The following SEC23A variants were observed in gnomAD, a reference collection of about 807,000 sequenced individuals.
The protein encoded by SEC23A is protein transport protein Sec23A.
In SEC23A, 56 loss-of-function variants were observed where a neutral mutation model predicts 103.7. That is an observed-to-expected ratio of 0.54 (90% CI 0.44 to 0.67). The LOEUF (loss-of-function observed/expected upper bound fraction) is 0.67. SEC23A is among the 30% of genes least tolerant of loss of function. SEC23A has a pLI of 0.00. For missense variants in SEC23A, 784 were observed against 936.4 expected, an observed-to-expected ratio of 0.84 and a Z score of 2.12; for synonymous variants, 281 against 293.0, an observed-to-expected ratio of 0.96 and a Z score of 0.42.
chr14:39,101,649 T>C (rs1226754283), intron 1 of SEC23A, among the ~76,000 whole-genome samples: 1 of 151,962 alleles, frequency 6.6e-6, no homozygotes, highest in Non-Finnish European at 1.5e-5. Context: ...AAAAAGACTT[T>C]CCCTATGATA....
chr14:39,066,193 T>C (rs1222401790), intron 10 of SEC23A, among the ~76,000 whole-genome samples: 2 of 152,054 alleles, frequency 1.3e-5, no homozygotes, highest in East Asian at 3.9e-4. Flanking sequence ...GAATGCTAAG[T>C]TTCTCTATAG....
intron 17 of SEC23A, 107 bp downstream of exon 17, chr14:39,042,678 AT>A (rs1885686489): frequency 1.4e-6 from 1 of 728,516 alleles, no homozygotes; most frequent in African/African-American, 1.8e-5. Context: ...AAAAATGGAA[AT>A]CAAAGTTTAT....
chr14:39,072,183 G>T (rs1381589715), intron 9 of SEC23A, among the ~76,000 whole-genome samples: 1 of 151,392 alleles, frequency 6.6e-6, no homozygotes, highest in Non-Finnish European at 1.5e-5. Flanking sequence ...AGTGAGCCTA[G>T]ATCGCACCAC....
At chr14:39,087,225 T>C (rs933668943) in intron 5 of SEC23A, among the ~76,000 whole-genome samples, 2 of 152,208 alleles carry the variant, frequency 1.3e-5, no homozygotes, top group African/African-American at 2.4e-5. Context: ...CAAGGTGTTA[T>C]ATAACCAAAG....
intron 17 of SEC23A, 89 bp from the exon 18 acceptor site, chr14:39,040,976 A>G (rs1439600936): frequency 6.8e-7 from 1 of 1,461,296 alleles, no homozygotes; most frequent in Non-Finnish European, 9.1e-7. Context: ...ATCTTTAGAA[A>G]CTAAAAAAAT....
chr14:39,039,032 T>C lies in SEC23A; in HGVS notation c.2207A>G (p.Gln736Arg). The change falls in exon 19 of 20, where the codon CAG (glutamine) becomes CGG (arginine). Residue 736 changes from glutamine (Q) to arginine (R), a missense_variant and splice_region_variant. Physicochemically the swap from Gln to Arg is conservative, Grantham distance 43 (BLOSUM62 1). Transcript: ENST00000307712. ...CCAAGACCTGCTATTTAAACTTACC[T>C]GCCCCCAGGCATACATATTATTATG... ...QTHNNMYAWG[Q>R]ESGAPILTDD... The C allele has an allele frequency of 6.2e-7, 1 of 1,611,740 alleles. No individual in the cohort carries two copies. The highest frequency in any genetic ancestry group is 8.5e-7 in the Non-Finnish European group (1 of 1,177,926).
chr14:39,096,203 T>C (rs1042814300), intron 1 of SEC23A, 64 bp from the exon 2 acceptor site: 7 of 1,012,808 alleles, frequency 6.9e-6, no homozygotes, highest in Middle Eastern at 5.5e-4. Context: ...AAAATATGAA[T>C]GTTCTCCCCT....
At chr14:39,095,849 C>A (rs759440814) in intron 2 of SEC23A, 49 bp downstream of exon 2, 1 of 1,383,752 alleles carries the variant, frequency 7.2e-7, no homozygotes, top group African/African-American at 1.4e-5. Flanking sequence ...AAAACCCCGA[C>A]ATTTTAAAAT....
intron 14 of SEC23A, 28 bp from the exon 15 acceptor site, chr14:39,048,757 T>G: frequency 8.0e-7 from 1 of 1,248,894 alleles, no homozygotes; most frequent in Non-Finnish European, 1.2e-6. Context: ...TGTTAGTAAT[T>G]TATTTCCTGG....
intron 11 of SEC23A, 41 bp from the exon 12 acceptor site, chr14:39,063,454 C>T: frequency 8.1e-7 from 1 of 1,232,280 alleles, no homozygotes; most frequent in Non-Finnish European, 1.2e-6. Flanking sequence ...GCTAGAGACA[C>T]AATTTATTAA....
Position 39,040,775 on chromosome 14 carries a change from A to G in SEC23A, c.2099T>C (p.Phe700Ser). 6.2e-7 allele frequency: 1 copy of G among 1,614,196 alleles called. No homozygotes were observed. Among genetic ancestry groups the G allele is most frequent in the Non-Finnish European group, 8.5e-7 (1 of 1,180,030 alleles). ...DDAQEILHSR[F>S]PMPRYIDTEH... Reference sequence around the variant, plus strand: ...AGTGTCAATGTATCTTGGCATTGGAAATCTGGAGTGAAGAATTTCCTGTGC... The same window carrying G: ...AGTGTCAATGTATCTTGGCATTGGAGATCTGGAGTGAAGAATTTCCTGTGC... The change falls in exon 18 of 20, where the codon TTT becomes TCT. Residue 700 changes from phenylalanine (F) to serine (S), a missense_variant. Phe to Ser is a radical substitution (Grantham distance 155). This residue lies in a region of SEC23A where 101 missense variants were observed against 162.2 expected (regional missense o/e 0.62). Transcript: ENST00000307712.
At chr14:39,101,767 T>C (rs996778372) in intron 1 of SEC23A, among the ~76,000 whole-genome samples, 2 of 152,224 alleles carry the variant, frequency 1.3e-5, no homozygotes, top group Non-Finnish European at 2.9e-5. Flanking sequence ...TAGTTGCCAA[T>C]TAAATTTGTC....
At chr14:39,051,049 A>C (rs1375489703) in intron 14 of SEC23A, among the ~76,000 whole-genome samples, 1 of 152,264 alleles carries the variant, frequency 6.6e-6, no homozygotes, top group Non-Finnish European at 1.5e-5. Flanking sequence ...CAACACAAAT[A>C]GAGAAAAAGT....
chr14:39,080,446 G>A (rs1391477207), intron 7 of SEC23A, among the ~76,000 whole-genome samples: 1 of 152,054 alleles, frequency 6.6e-6, no homozygotes, highest in Non-Finnish European at 1.5e-5. Flanking sequence ...TTGCTCTGTC[G>A]GCCAGGCTGG....
chr14:39,046,028 G>T (rs554457663), intron 15 of SEC23A, among the ~76,000 whole-genome samples: 2 of 152,322 alleles, frequency 1.3e-5, no homozygotes, highest in East Asian at 3.9e-4. Flanking sequence ...TCTCGTGGTA[G>T]TAAGTCTCAG....
At chr14:39,102,105 C>T (rs1359356113) in intron 1 of SEC23A, among the ~76,000 whole-genome samples, 3 of 152,052 alleles carry the variant, frequency 2.0e-5, no homozygotes, top group East Asian at 3.9e-4. Flanking sequence ...AGTAGCTCGC[C>T]CCTGTAATCC....
In SEC23A at chr14:39,059,278, T is replaced by TAAAAAAAAAAAAA. The variant is rs750853379; in HGVS notation, c.1505+2474_1505+2486dup. On this transcript the variant is annotated intron_variant, in intron 13 of 19. Coordinates refer to ENST00000307712, the MANE Select transcript of SEC23A (RefSeq NM_006364.4). ...GGCCCCTAAAGTCATAGTCCTAGTT[T>TAAAAAAAAAAAAA]AAAAAAAAAAAAAAAAAAAAAAAAA... is the stretch of plus-strand genomic sequence containing the variant. 1.3e-3 allele frequency among the ~76,000 whole-genome samples: 90 copies of TAAAAAAAAAAAAA among 71,818 alleles called. 5 individuals carry two copies. The highest frequency in any genetic ancestry group is 2.5e-3 in the African/African-American group (48 of 19,500). The allele number at this position is 71,818 out of a possible 152,430, so 47.1% of individuals were successfully genotyped here.
At position 39,096,079 on chromosome 14, in the gene SEC23A, G is replaced by A. The variant is rs768559770; in HGVS notation, c.40C>T (p.Arg14Ter). 1 of 1,613,816 alleles carries A rather than the reference G, an allele frequency of 6.2e-7. No individual in the cohort carries two copies. Among genetic ancestry groups the A allele is most frequent in the Non-Finnish European group, 8.5e-7 (1 of 1,179,816 alleles). ...TTCCAACTAAATCGGACTCCATCTC[G>A]TTCTTCATTTTGTTGAATGAATTCC... Reference protein sequence around the residue: ...YLEFIQQNEERDGVRFSWNVW... With the variant: ...YLEFIQQNEE Residue 14 changes from arginine to a stop codon, truncating the protein, a stop_gained, in exon 2 of 20, where the codon CGA (arginine) becomes TGA (stop). Coordinates refer to ENST00000307712, the MANE Select transcript of SEC23A (RefSeq NM_006364.4). LOFTEE classifies it high-confidence loss of function.
chr14:39,069,709 C>G (rs1347329639), intron 9 of SEC23A, among the ~76,000 whole-genome samples: 1 of 152,186 alleles, frequency 6.6e-6, no homozygotes. Flanking sequence ...GTCCACCCAC[C>G]TCAGCCTCCC....
Sources: gnomAD v4.1 joint callset for allele counts (sites outside exome capture counted in the v4.1 genomes callset) on GRCh38, gnomAD v4.1.1 for gene constraint, gnomAD v4.1.1 regional missense constraint, MANE v1.5 for transcripts, NCBI Gene and HGNC (gene_info 2026-07-23, HGNC 2026-07-21) for gene names.